GRID2: variants seen among roughly 807,000 people sequenced by gnomAD.
The protein encoded by GRID2 is glutamate receptor ionotropic, delta-2.
Under a neutral mutation model 114.8 loss-of-function variants are expected in GRID2, and 33 were observed. That is an observed-to-expected ratio of 0.29 (90% CI 0.22 to 0.38). GRID2 has a LOEUF of 0.38. Ranked by LOEUF, GRID2 falls within the 10% of genes least tolerant of loss-of-function variation. GRID2 has a pLI of 1.00. For synonymous variants in GRID2, 505 were observed against 449.9 expected (o/e 1.12, Z -1.55); for missense variants, 1,184 against 1,257.7 (o/e 0.94, Z 0.89).
At chr4:93,634,606 C>G (rs1721251233) in intron 14 of GRID2, among the ~76,000 whole-genome samples, 1 of 152,098 alleles carries the variant, frequency 6.6e-6, no homozygotes, top group South Asian at 2.1e-4. Flanking sequence ...CAGGTTGAAG[C>G]TCGTGTCCTT....
At chr4:92,375,814 G>C (rs748300260) in intron 1 of GRID2, among the ~76,000 whole-genome samples, 2 of 152,052 alleles carry the variant, frequency 1.3e-5, no homozygotes, top group African/African-American at 2.4e-5. Context: ...TGCATATTAG[G>C]TTAGAAAAAA....
chr4:93,769,569 G>T (rs915190477), intron 15 of GRID2, 119 bp downstream of exon 15: 1 of 860,930 alleles, frequency 1.2e-6, no homozygotes, highest in East Asian at 2.5e-5. Context: ...GTTTCTTGAA[G>T]ATTAAAAATA....
chr4:93,426,887 C>T (rs17020587), intron 10 of GRID2, among the ~76,000 whole-genome samples: 9,632 of 151,816 alleles, frequency 0.063, 720 homozygotes, highest in African/African-American at 0.18. Context: ...TTTGTTCAAC[C>T]GGATATTTAG....
At chr4:92,345,085 A>G (rs544617173) in intron 1 of GRID2, among the ~76,000 whole-genome samples, 1 of 152,302 alleles carries the variant, frequency 6.6e-6, no homozygotes, top group African/African-American at 2.4e-5. Context: ...TTATTCTTAT[A>G]CATTTACAAC....
At chr4:92,473,655 T>C (rs1162219030) in intron 1 of GRID2, among the ~76,000 whole-genome samples, 1 of 152,130 alleles carries the variant, frequency 6.6e-6, no homozygotes, top group African/African-American at 2.4e-5. Context: ...ATATTCTTTA[T>C]GAATTTGAAA....
chr4:92,816,419 A>G (rs905381799), intron 2 of GRID2, among the ~76,000 whole-genome samples: 1 of 151,822 alleles, frequency 6.6e-6, no homozygotes, highest in African/African-American at 2.4e-5. Context: ...ATTTATTCAC[A>G]TTAAAACCTT....
intron 1 of GRID2, among the ~76,000 whole-genome samples, chr4:92,454,479 C>T (rs1721105021): frequency 6.6e-6 from 1 of 152,158 alleles, no homozygotes; most frequent in Admixed American, 6.5e-5. Flanking sequence ...TTATTAACCT[C>T]TGAAAAATGT....
At chr4:93,405,322 T>C (rs1013083461) in intron 9 of GRID2, among the ~76,000 whole-genome samples, 5 of 152,188 alleles carry the variant, frequency 3.3e-5, no homozygotes, top group African/African-American at 7.2e-5. Flanking sequence ...ACCATAAGAA[T>C]TGATGCATGA....
At chr4:92,384,593 TATAAC>T (rs1411435730) in intron 1 of GRID2, among the ~76,000 whole-genome samples, 4 of 50,414 alleles carry the variant, frequency 7.9e-5, no homozygotes, top group South Asian at 6.0e-4. Context: ...TTATATTATA[TATAAC>T]ATAATATATA....
intron 4 of GRID2, among the ~76,000 whole-genome samples, chr4:93,198,632 G>A (rs1741752163): frequency 6.6e-6 from 1 of 152,028 alleles, no homozygotes; most frequent in Non-Finnish European, 1.5e-5. Context: ...CAAGCATAAG[G>A]GTTGGGATAA....
intron 1 of GRID2, among the ~76,000 whole-genome samples, chr4:92,562,430 G>T (rs1308932248): frequency 6.6e-6 from 1 of 152,126 alleles, no homozygotes; most frequent in South Asian, 2.1e-4. Context: ...CTTTTTGAGG[G>T]TAAGTACCAT....
At chr4:93,779,375 G>A (rs948811760), downstream of GRID2, among the ~76,000 whole-genome samples, 6 of 152,122 alleles carry the variant, frequency 3.9e-5, no homozygotes, top group African/African-American at 1.4e-4. Context: ...CCTAACTGAT[G>A]TACCAAGGCA....
chr4:92,306,621 G>T (rs1357167696), intron 1 of GRID2, among the ~76,000 whole-genome samples: 1 of 152,112 alleles, frequency 6.6e-6, no homozygotes, highest in Non-Finnish European at 1.5e-5. Context: ...TTATTCTGTG[G>T]TCTGCATGAT....
At chr4:92,854,384 A>G (rs1744033984) in intron 2 of GRID2, among the ~76,000 whole-genome samples, 1 of 152,004 alleles carries the variant, frequency 6.6e-6, no homozygotes, top group African/African-American at 2.4e-5. Flanking sequence ...AGATCACTCC[A>G]GGGGCAGAGA....
At chr4:92,576,497 C>T (rs1451799114) in intron 1 of GRID2, among the ~76,000 whole-genome samples, 2 of 152,154 alleles carry the variant, frequency 1.3e-5, no homozygotes, top group African/African-American at 4.8e-5. Flanking sequence ...TGCTCGGCTC[C>T]CTGGATTCAG....
chr4:92,651,834 G>A (rs1185177105), intron 2 of GRID2, among the ~76,000 whole-genome samples: 1 of 152,142 alleles, frequency 6.6e-6, no homozygotes, highest in Non-Finnish European at 1.5e-5. Context: ...TGGGGTTGTA[G>A]TACTGCAGCT....
chr4:93,170,388 C>A (rs150251494), intron 4 of GRID2, among the ~76,000 whole-genome samples: 5 of 152,008 alleles, frequency 3.3e-5, no homozygotes, highest in African/African-American at 4.8e-5. Context: ...TGGGCCCCCC[C>A]CTTTTTTAAT....
intron 1 of GRID2, among the ~76,000 whole-genome samples, chr4:92,461,566 T>G: frequency 6.6e-6 from 1 of 152,120 alleles, no homozygotes; most frequent in Non-Finnish European, 1.5e-5. Context: ...ATAGCTACTT[T>G]CTGTATAATT....
At chr4:93,508,301 A>AT (rs1728847409) in intron 12 of GRID2, among the ~76,000 whole-genome samples, 1 of 148,788 alleles carries the variant, frequency 6.7e-6, no homozygotes, top group African/African-American at 2.5e-5. Flanking sequence ...GGTTCAAGCG[A>AT]TTCTCCTGCC....
Sources: gnomAD v4.1 joint callset for allele counts (sites outside exome capture counted in the v4.1 genomes callset) on GRCh38, gnomAD v4.1.1 for gene constraint, MANE v1.5 for transcripts, NCBI Gene and HGNC (gene_info 2026-07-23, HGNC 2026-07-21) for gene names.